NRXN1: variants seen among roughly 807,000 people sequenced by gnomAD.
The protein encoded by NRXN1 is neurexin-1.
In NRXN1, 39 loss-of-function variants were observed where a neutral mutation model predicts 150.9. That is an observed-to-expected ratio of 0.26 (90% CI 0.20 to 0.34). The LOEUF (loss-of-function observed/expected upper bound fraction) is 0.34, where lower values mean the gene tolerates loss of function less well. Ranked by LOEUF, NRXN1 falls within the 10% of genes least tolerant of loss-of-function variation. The probability of loss-of-function intolerance (pLI) is 1.00; values close to 1 mark genes in which losing one functional copy is unlikely to be tolerated. For synonymous variants in NRXN1, 924 were observed against 757.0 expected, an observed-to-expected ratio of 1.22 and a Z score of -3.62; for missense variants, 1,815 against 1,949.9, an observed-to-expected ratio of 0.93 and a Z score of 1.30.
At chr2:50,717,674 C>T (rs1473288964) in intron 5 of NRXN1, among the ~76,000 whole-genome samples, 1 of 152,160 alleles carries the variant, frequency 6.6e-6, no homozygotes, top group Non-Finnish European at 1.5e-5. Flanking sequence ...ACTTAAACCA[C>T]AAACATTTAC....
chr2:50,271,298 C>T (rs934501708), intron 17 of NRXN1, among the ~76,000 whole-genome samples: 4 of 152,034 alleles, frequency 2.6e-5, no homozygotes, highest in Admixed American at 1.3e-4. Context: ...TGTATTTTGT[C>T]TACAAGAAAA....
At chr2:50,621,130 T>C in intron 7 of NRXN1, 96 bp downstream of exon 7, 2 of 1,072,178 alleles carry the variant, frequency 1.9e-6, no homozygotes, top group Non-Finnish European at 2.7e-6. Flanking sequence ...CTTTTGTTAA[T>C]GATGTCTACA....
At chr2:50,662,124 C>T (rs926206217) in intron 5 of NRXN1, among the ~76,000 whole-genome samples, 2 of 152,018 alleles carry the variant, frequency 1.3e-5, no homozygotes, top group Non-Finnish European at 2.9e-5. Flanking sequence ...ATAAACTAAA[C>T]AAAATGTCCT....
intron 5 of NRXN1, among the ~76,000 whole-genome samples, chr2:50,798,644 T>C (rs557009736): frequency 3.5e-4 from 53 of 152,318 alleles, no homozygotes; most frequent in Middle Eastern, 3.4e-3. Context: ...TATACGCTGA[T>C]TGATATTTCT....
At chr2:50,970,881 G>A (rs1203696365) in intron 2 of NRXN1, among the ~76,000 whole-genome samples, 1 of 150,330 alleles carries the variant, frequency 6.7e-6, no homozygotes. Flanking sequence ...CATTATCTTT[G>A]TTTCCAGAAA....
chr2:50,355,704 T>A (rs2078753814), intron 17 of NRXN1, among the ~76,000 whole-genome samples: 1 of 152,196 alleles, frequency 6.6e-6, no homozygotes, highest in Admixed American at 6.6e-5. Context: ...CTGAACTCTG[T>A]CATTTTTTTG....
At chr2:50,739,604 TACTCTATTGCATTGGTCTTA>T (rs1320882488) in intron 5 of NRXN1, among the ~76,000 whole-genome samples, 1 of 152,198 alleles carries the variant, frequency 6.6e-6, no homozygotes, top group African/African-American at 2.4e-5. Flanking sequence ...ATCGGCTACT[TACTCTATTGCATTGGTCTTA>T]ACTCTATTCC....
intron 12 of NRXN1, among the ~76,000 whole-genome samples, chr2:50,518,274 T>A (rs74923891): frequency 0.021 from 3,204 of 152,154 alleles, 123 homozygotes; most frequent in African/African-American, 0.074. Context: ...TTAAGAAGTA[T>A]AATAAAATAA....
At chr2:50,829,382 G>T (rs1476477218) in intron 5 of NRXN1, 2 of 1,100,222 alleles carry the variant, frequency 1.8e-6, no homozygotes, top group African/African-American at 1.6e-5. Context: ...CCCGCCTCGG[G>T]CTCCCAAAGT....
At chr2:50,281,699 T>A (rs1365609874) in intron 17 of NRXN1, among the ~76,000 whole-genome samples, 1 of 152,118 alleles carries the variant, frequency 6.6e-6, no homozygotes, top group African/African-American at 2.4e-5. Context: ...ATTCACAAAT[T>A]CAGATAAGTA....
At chr2:50,650,306 GTA>G (rs1559074012) in intron 5 of NRXN1, among the ~76,000 whole-genome samples, 1 of 152,012 alleles carries the variant, frequency 6.6e-6, no homozygotes, top group African/African-American at 2.4e-5. Flanking sequence ...AGAGCAAGTG[GTA>G]TATGACTCCT....
intron 21 of NRXN1, among the ~76,000 whole-genome samples, chr2:50,040,887 T>C (rs1322397388): frequency 1.3e-5 from 2 of 152,174 alleles, no homozygotes; most frequent in African/African-American, 2.4e-5. Flanking sequence ...AAATTACACT[T>C]TAAGTTTTAG....
At chr2:50,504,401 TC>T (rs2092117032) in intron 13 of NRXN1, among the ~76,000 whole-genome samples, 1 of 152,114 alleles carries the variant, frequency 6.6e-6, no homozygotes, top group Non-Finnish European at 1.5e-5. Flanking sequence ...TAACTTACCC[TC>T]AACTGGCTAA....
At chr2:50,810,554 T>C (rs1281224784) in intron 5 of NRXN1, among the ~76,000 whole-genome samples, 1 of 152,136 alleles carries the variant, frequency 6.6e-6, no homozygotes, top group African/African-American at 2.4e-5. Context: ...GTAAGTAGCA[T>C]TATTAGGAGA....
chr2:49,988,448 T>C (rs974162580), intron 21 of NRXN1, among the ~76,000 whole-genome samples: 1 of 152,038 alleles, frequency 6.6e-6, no homozygotes, highest in African/African-American at 2.4e-5. Context: ...TCATGAGTCA[T>C]AGGACAGCAG....
chr2:50,943,978 T>A (rs1395049518), intron 2 of NRXN1, among the ~76,000 whole-genome samples: 1 of 152,168 alleles, frequency 6.6e-6, no homozygotes, highest in Non-Finnish European at 1.5e-5. Flanking sequence ...GGAATTGGAA[T>A]GGAGAAACGA....
chr2:50,600,118 A>G (rs1676001536), intron 8 of NRXN1, among the ~76,000 whole-genome samples: 2 of 152,128 alleles, frequency 1.3e-5, no homozygotes, highest in Non-Finnish European at 2.9e-5. Context: ...GAAAATCTAA[A>G]AATAAAAGCC....
At chr2:50,970,618 T>TG (rs1694848361) in intron 2 of NRXN1, among the ~76,000 whole-genome samples, 2 of 152,290 alleles carry the variant, frequency 1.3e-5, no homozygotes, top group South Asian at 2.1e-4. Context: ...CTTTGAATGT[T>TG]AATCACATTT....
In NRXN1 at chr2:49,977,945, C is replaced by G. The variant is rs145488197; in HGVS notation, c.4129-34154G>C. 6.6e-5 allele frequency among the ~76,000 whole-genome samples: 10 copies of G among 152,168 alleles called. 1 individual carries two copies. Among genetic ancestry groups the G allele is most frequent in the African/African-American group, 1.9e-4 (8 of 41,518 alleles). Reference sequence around the variant, plus strand: ...TTGGGATGCTGAGTCGAGTGGATCACGAGGTCAGGAGATTGACACCATCCT... The same window carrying G: ...TTGGGATGCTGAGTCGAGTGGATCAGGAGGTCAGGAGATTGACACCATCCT... On this transcript the variant is annotated intron_variant, in intron 21 of 22. Coordinates refer to ENST00000401669, the MANE Select transcript of NRXN1 (RefSeq NM_001330078.2).
Sources: allele counts gnomAD v4.1 joint callset (sites outside exome capture counted in the v4.1 genomes callset), GRCh38; gene constraint gnomAD v4.1.1; transcripts MANE v1.5; gene names NCBI Gene and HGNC (gene_info 2026-07-23, HGNC 2026-07-21).